Variants in KALRN observed in about 807,000 individuals in gnomAD.
KALRN encodes the protein kalirin.
In KALRN, 70 loss-of-function variants were observed where a neutral mutation model predicts 353.7. That is an observed-to-expected ratio of 0.20 (90% CI 0.16 to 0.24). KALRN has a LOEUF of 0.24. KALRN is among the 10% of genes least tolerant of loss of function. The probability of loss-of-function intolerance (pLI) is 1.00; values close to 1 mark genes in which losing one functional copy is unlikely to be tolerated. For missense variants in KALRN, 2,791 were observed against 3,756.7 expected (o/e 0.74, Z 6.72); for synonymous variants, 1,391 against 1,434.8 (o/e 0.97, Z 0.69).
intron 6 of KALRN, among the ~76,000 whole-genome samples, chr3:124,324,597 A>G (rs895411037): frequency 6.6e-6 from 1 of 152,216 alleles, no homozygotes; most frequent in Admixed American, 6.5e-5. Flanking sequence ...GAGATGACAC[A>G]TAGGGGTCAT....
At chr3:124,120,689 C>A (rs1277227216) in intron 1 of KALRN, among the ~76,000 whole-genome samples, 1 of 139,558 alleles carries the variant, frequency 7.2e-6, no homozygotes, top group Non-Finnish European at 1.5e-5. Flanking sequence ...AAGAAACTTA[C>A]AATCCAGATA....
At chr3:124,694,210 T>C (rs1249960112) in intron 52 of KALRN, 122 bp from the exon 53 acceptor site, 1 of 938,324 alleles carries the variant, frequency 1.1e-6, no homozygotes, top group Non-Finnish European at 1.7e-6. Flanking sequence ...AGTGTTATAC[T>C]GAAGGTTATT....
At chr3:124,166,463 A>G (rs908677440) in intron 1 of KALRN, among the ~76,000 whole-genome samples, 3 of 152,198 alleles carry the variant, frequency 2.0e-5, no homozygotes, top group Non-Finnish European at 4.4e-5. Flanking sequence ...ACTCATAAAA[A>G]TTATTTTTTT....
intron 6 of KALRN, among the ~76,000 whole-genome samples, chr3:124,320,273 C>G (rs1186592724): frequency 6.6e-6 from 1 of 152,112 alleles, no homozygotes; most frequent in African/African-American, 2.4e-5. Flanking sequence ...AAAGTGTCCC[C>G]GAAGTGGTGG....
At chr3:124,099,682 G>A (rs1394093807) in intron 1 of KALRN, among the ~76,000 whole-genome samples, 1 of 152,208 alleles carries the variant, frequency 6.6e-6, no homozygotes, top group Non-Finnish European at 1.5e-5. Flanking sequence ...CCCACCAGCA[G>A]TGTATAAGAG....
chr3:124,123,438 T>A (rs2064272704), intron 1 of KALRN, among the ~76,000 whole-genome samples: 2 of 152,174 alleles, frequency 1.3e-5, no homozygotes, highest in Admixed American at 6.5e-5. Flanking sequence ...CTAATTCTCT[T>A]CAATTCTATG....
intron 21 of KALRN, among the ~76,000 whole-genome samples, chr3:124,448,677 C>T (rs1023270654): frequency 6.6e-6 from 1 of 152,090 alleles, no homozygotes; most frequent in African/African-American, 2.4e-5. Context: ...AGGATATGAT[C>T]CAGCTCATCC....
At chr3:124,632,329 C>A in intron 34 of KALRN, 91 bp from the exon 35 acceptor site, 1 of 1,299,118 alleles carries the variant, frequency 7.7e-7, no homozygotes, top group Non-Finnish European at 1.1e-6. Context: ...GCCTTGTGTC[C>A]TAGCTTCCTG....
intron 15 of KALRN, among the ~76,000 whole-genome samples, chr3:124,427,511 A>G (rs1481601695): frequency 6.6e-6 from 1 of 152,234 alleles, no homozygotes; most frequent in African/African-American, 2.4e-5. Flanking sequence ...TTCCCAGCCT[A>G]CATGGTTACA....
At chr3:124,680,432 A>AT (rs768390256) in intron 51 of KALRN, among the ~76,000 whole-genome samples, 98 of 152,302 alleles carry the variant, frequency 6.4e-4, no homozygotes, top group South Asian at 1.9e-3. Context: ...TTTCCTTGCC[A>AT]TTTTTTCATT....
At chr3:124,385,600 G>T (rs1260820436) in intron 11 of KALRN, among the ~76,000 whole-genome samples, 1 of 152,164 alleles carries the variant, frequency 6.6e-6, no homozygotes, top group Non-Finnish European at 1.5e-5. Context: ...GGAGTGACAG[G>T]CATTGAAAGA....
chr3:124,375,196 A>AC (rs1662951007), intron 10 of KALRN, among the ~76,000 whole-genome samples: 1 of 152,012 alleles, frequency 6.6e-6, no homozygotes, highest in Non-Finnish European at 1.5e-5. Flanking sequence ...CAATATGAAT[A>AC]CCCGCTGGCT....
intron 14 of KALRN, among the ~76,000 whole-genome samples, chr3:124,415,738 C>G (rs2092459439): frequency 6.6e-6 from 1 of 152,156 alleles, no homozygotes; most frequent in African/African-American, 2.4e-5. Context: ...AATTAGCCCT[C>G]CAGGTGATTT....
intron 1 of KALRN, among the ~76,000 whole-genome samples, chr3:124,048,034 A>G (rs1227756445): frequency 1.3e-5 from 2 of 152,144 alleles, no homozygotes; most frequent in Non-Finnish European, 2.9e-5. Context: ...AATTAAGATG[A>G]AAAACAAATG....
At chr3:124,679,370 C>G (rs2087539433) in intron 50 of KALRN, 88 bp from the exon 51 acceptor site, 1 of 1,160,038 alleles carries the variant, frequency 8.6e-7, no homozygotes. Flanking sequence ...GCCCATGCTT[C>G]TCTGAAGTTC....
chr3:124,205,906 T>G (rs1215121707), intron 1 of KALRN, among the ~76,000 whole-genome samples: 1 of 152,158 alleles, frequency 6.6e-6, no homozygotes, highest in East Asian at 1.9e-4. Flanking sequence ...TTATTCTGTT[T>G]CTCTTTGAGT....
At chr3:124,091,321 A>G (rs866949971) in intron 1 of KALRN, among the ~76,000 whole-genome samples, 3 of 152,142 alleles carry the variant, frequency 2.0e-5, no homozygotes, top group Non-Finnish European at 4.4e-5. Flanking sequence ...TACCTCCTGT[A>G]TTGCCTTCAC....
At chr3:124,120,709 AAAATAT>A (rs1343763859) in intron 1 of KALRN, among the ~76,000 whole-genome samples, 1,188 of 112,736 alleles carry the variant, frequency 0.011, 50 homozygotes, top group African/African-American at 0.043. Flanking sequence ...AGGAATACTA[AAAATAT>A]ATATATATAT....
intron 6 of KALRN, among the ~76,000 whole-genome samples, chr3:124,322,866 C>T (rs1204405154): frequency 6.6e-6 from 1 of 152,144 alleles, no homozygotes; most frequent in Non-Finnish European, 1.5e-5. Flanking sequence ...CTCTCAGGTT[C>T]TGGGGCAAAG....
Sources: allele counts gnomAD v4.1 joint callset (sites outside exome capture counted in the v4.1 genomes callset), GRCh38; gene constraint gnomAD v4.1.1; transcripts MANE v1.5; gene names NCBI Gene and HGNC (gene_info 2026-07-23, HGNC 2026-07-21).